DTNA: variants seen among roughly 807,000 people sequenced by gnomAD.
The protein encoded by DTNA is dystrophin-related protein 3.
Under a neutral mutation model 100.7 loss-of-function variants are expected in DTNA, and 43 were observed. The observed-to-expected ratio is 0.43, with a 90% CI of 0.33 to 0.55. DTNA has a LOEUF of 0.55. DTNA is among the 20% of genes least tolerant of loss of function. The pLI is 0.04. For missense variants in DTNA, 798 were observed against 953.9 expected, an observed-to-expected ratio of 0.84 and a Z score of 2.15; for synonymous variants, 349 against 347.9, an observed-to-expected ratio of 1.00 and a Z score of -0.04.
chr18:34,727,698 G>T (rs1815030092), intron 1 of DTNA, among the ~76,000 whole-genome samples: 2 of 152,044 alleles, frequency 1.3e-5, no homozygotes, highest in Non-Finnish European at 2.9e-5. Context: ...CGAAGTAGTT[G>T]GGATTACAGG....
chr18:34,801,981 A>G (rs1193312589), intron 4 of DTNA, among the ~76,000 whole-genome samples: 3 of 152,184 alleles, frequency 2.0e-5, no homozygotes, highest in Non-Finnish European at 4.4e-5. Context: ...CCCGCCCCTA[A>G]AAGTCTGTGA....
At chr18:34,579,397 T>A (rs2048408309) in intron 1 of DTNA, among the ~76,000 whole-genome samples, 9 of 152,216 alleles carry the variant, frequency 5.9e-5, no homozygotes, top group Admixed American at 5.9e-4. Flanking sequence ...TCCACTCTAA[T>A]AATTTTCAGT....
At chr18:34,516,676 C>T (rs1851301) in intron 1 of DTNA, among the ~76,000 whole-genome samples, 86 of 152,228 alleles carry the variant, frequency 5.6e-4, no homozygotes, top group Non-Finnish European at 7.6e-4. Flanking sequence ...TTCTCCTATT[C>T]GCTTTTGTAA....
chr18:34,506,462 G>A (rs1041659456), intron 1 of DTNA, among the ~76,000 whole-genome samples: 3 of 152,180 alleles, frequency 2.0e-5, no homozygotes, highest in Admixed American at 1.3e-4. Context: ...TTACAGCTTG[G>A]CAAGGATGGA....
chr18:34,667,730 T>A lies in DTNA; in HGVS notation c.-1-88246T>A, dbSNP rs186230645. On this transcript the variant is annotated intron_variant, in intron 1 of 19. Transcript: ENST00000283365. Reference sequence around the variant, plus strand: ...TGTTTATATGCTGGATTATGTTTATTGATTTGCGTATGTTGAACCAGCCTT... The same window carrying A: ...TGTTTATATGCTGGATTATGTTTATAGATTTGCGTATGTTGAACCAGCCTT... Among the ~76,000 whole-genome samples, 351 of 152,348 alleles carry A rather than the reference T, an allele frequency of 2.3e-3. 4 individuals carry two copies. Among genetic ancestry groups the A allele is most frequent in the Admixed American group, 0.017 (259 of 15,298 alleles).
At chr18:34,687,473 A>G (rs1600211899) in intron 1 of DTNA, among the ~76,000 whole-genome samples, 1 of 152,162 alleles carries the variant, frequency 6.6e-6, no homozygotes. Flanking sequence ...CTTAATCCTG[A>G]GTTCTAATTT....
rs1023047472 is a variant in DTNA at position 34,599,624 on chromosome 18, T to C, written c.-2+106110T>C. On this transcript the variant is annotated intron_variant, in intron 1 of 19. Transcript: ENST00000283365. ...TATCCCTTCATTTTACTTTTTCTTA[T>C]TACAGAAGCAATGTAGGAAAATCAT... Among the ~76,000 whole-genome samples the C allele has an allele frequency of 2.6e-5, 4 of 152,330 alleles. No individual in the cohort carries two copies. The East Asian group carries it at 5.8e-4, about 22-fold the overall frequency.
chr18:34,583,353 T>A (rs2048819410), intron 1 of DTNA, among the ~76,000 whole-genome samples: 1 of 152,108 alleles, frequency 6.6e-6, no homozygotes, highest in South Asian at 2.1e-4. Context: ...AACACACAAC[T>A]GCTGAATTTG....
At chr18:34,505,889 T>G (rs1009869495) in intron 1 of DTNA, among the ~76,000 whole-genome samples, 1 of 152,204 alleles carries the variant, frequency 6.6e-6, no homozygotes, top group Non-Finnish European at 1.5e-5. Flanking sequence ...CTTGGTATGA[T>G]GAATGATTTT....
chr18:34,838,260 G>A (rs2096197097), intron 12 of DTNA, 89 bp downstream of exon 12: 3 of 1,403,654 alleles, frequency 2.1e-6, no homozygotes, highest in South Asian at 2.4e-5. Context: ...GTGTGTGAAA[G>A]ACTGTCTTTG....
chr18:34,620,752 G>A (rs1371139), intron 1 of DTNA, among the ~76,000 whole-genome samples: 10,185 of 152,134 alleles, frequency 0.067, 415 homozygotes, highest in African/African-American at 0.079. Context: ...CGGGGATGCT[G>A]CTAAACCATT....
intron 1 of DTNA, among the ~76,000 whole-genome samples, chr18:34,591,860 C>A (rs574897164): frequency 6.6e-6 from 1 of 152,208 alleles, no homozygotes; most frequent in South Asian, 2.1e-4. Flanking sequence ...CTATATGGGG[C>A]ATCAAAATAT....
intron 1 of DTNA, among the ~76,000 whole-genome samples, chr18:34,521,364 A>C (rs2042132031): frequency 6.6e-6 from 1 of 152,146 alleles, no homozygotes; most frequent in African/African-American, 2.4e-5. Flanking sequence ...TGGTAGCTGG[A>C]TGACTGTATC....
intron 1 of DTNA, among the ~76,000 whole-genome samples, chr18:34,640,118 A>G (rs1430311547): frequency 2.0e-5 from 3 of 152,214 alleles, no homozygotes; most frequent in African/African-American, 4.8e-5. Flanking sequence ...AATGACTGTT[A>G]ATCTACAGTT....
At chr18:34,865,170 G>T (rs957208331) in intron 17 of DTNA, among the ~76,000 whole-genome samples, 1 of 152,186 alleles carries the variant, frequency 6.6e-6, no homozygotes, top group Non-Finnish European at 1.5e-5. Flanking sequence ...GCGAGAGAGG[G>T]TCTCCCAACT....
chr18:34,707,557 G>A (rs1309738273), upstream of DTNA, among the ~76,000 whole-genome samples: 1 of 151,974 alleles, frequency 6.6e-6, no homozygotes, highest in Non-Finnish European at 1.5e-5. Context: ...TCTAGTAACA[G>A]TGTACCTTAA....
intron 1 of DTNA, among the ~76,000 whole-genome samples, chr18:34,739,922 C>T (rs542121027): frequency 5.3e-5 from 8 of 152,126 alleles, no homozygotes; most frequent in African/African-American, 1.9e-4. Flanking sequence ...TCTTGTTTGC[C>T]CTGACGTGTT....
At chr18:34,556,130 T>G (rs1202434145) in intron 1 of DTNA, among the ~76,000 whole-genome samples, 5 of 151,732 alleles carry the variant, frequency 3.3e-5, no homozygotes, top group Non-Finnish European at 7.4e-5. Flanking sequence ...TGTAATGGCC[T>G]TCTTTGTCTC....
intron 1 of DTNA, among the ~76,000 whole-genome samples, chr18:34,621,489 A>G (rs745529832): frequency 6.6e-6 from 1 of 152,162 alleles, no homozygotes; most frequent in Non-Finnish European, 1.5e-5. Flanking sequence ...TCTCTACTGT[A>G]TAGCTTAAAA....
Sources: allele counts gnomAD v4.1 joint callset (sites outside exome capture counted in the v4.1 genomes callset), GRCh38; gene constraint gnomAD v4.1.1; transcripts MANE v1.5; gene names NCBI Gene and HGNC (gene_info 2026-07-23, HGNC 2026-07-21).